The following CACNA2D3 variants were observed in gnomAD, a reference collection of about 807,000 sequenced individuals.
The protein encoded by CACNA2D3 is calcium voltage-gated channel auxiliary subunit alpha2delta 3.
In CACNA2D3, 60 loss-of-function variants were observed where a neutral mutation model predicts 160.6. The ratio of observed to expected loss-of-function variants is 0.37; its 90% CI spans 0.30 to 0.46. The LOEUF (loss-of-function observed/expected upper bound fraction) is 0.46, where lower values mean the gene tolerates loss of function less well. Ranked by LOEUF, CACNA2D3 falls within the 20% of genes least tolerant of loss-of-function variation. The probability of loss-of-function intolerance (pLI) is 1.00; values close to 1 mark genes in which losing one functional copy is unlikely to be tolerated. For synonymous variants in CACNA2D3, 558 were observed against 492.9 expected, an observed-to-expected ratio of 1.13 and a Z score of -1.75; for missense variants, 1,205 against 1,365.0, an observed-to-expected ratio of 0.88 and a Z score of 1.85.
intron 4 of CACNA2D3, among the ~76,000 whole-genome samples, chr3:54,493,017 G>T (rs1486696551): frequency 4.3e-5 from 6 of 139,354 alleles, no homozygotes; most frequent in Admixed American, 1.5e-4. Context: ...GTACATATGA[G>T]TTATAAATAA....
At chr3:54,190,726 A>G (rs1700963348) in intron 2 of CACNA2D3, among the ~76,000 whole-genome samples, 1 of 152,240 alleles carries the variant, frequency 6.6e-6, no homozygotes, top group African/African-American at 2.4e-5. Flanking sequence ...TTATAAGATT[A>G]TAAGTAAAAT....
intron 11 of CACNA2D3, among the ~76,000 whole-genome samples, chr3:54,707,737 A>G (rs1352937750): frequency 6.6e-6 from 1 of 152,102 alleles, no homozygotes; most frequent in Non-Finnish European, 1.5e-5. Context: ...CTCATCCAAG[A>G]ATTTCACTAT....
At chr3:54,660,794 A>G (rs982638445) in intron 11 of CACNA2D3, among the ~76,000 whole-genome samples, 9 of 152,096 alleles carry the variant, frequency 5.9e-5, no homozygotes, top group Non-Finnish European at 8.8e-5. Flanking sequence ...GCCTCCCACA[A>G]GAGCCTTTGT....
At chr3:55,067,890 T>C (rs1045011710) in intron 35 of CACNA2D3, among the ~76,000 whole-genome samples, 15 of 152,220 alleles carry the variant, frequency 9.9e-5, no homozygotes, top group African/African-American at 3.4e-4. Flanking sequence ...ATTAAGATGC[T>C]CAAATCACTT....
chr3:54,141,097 G>GCGCGCGCGCA (rs1559860132), intron 2 of CACNA2D3, among the ~76,000 whole-genome samples: 1 of 133,664 alleles, frequency 7.5e-6, no homozygotes, highest in African/African-American at 2.7e-5. Context: ...GCGCGCGCGC[G>GCGCGCGCGCA]CGTGTGTGCA....
intron 3 of CACNA2D3, among the ~76,000 whole-genome samples, chr3:54,334,243 C>T (rs773251599): frequency 2.0e-5 from 3 of 152,038 alleles, no homozygotes; most frequent in Non-Finnish European, 2.9e-5. Flanking sequence ...CTCGCCACGA[C>T]GCTCAGCTAA....
At chr3:54,234,248 A>T (rs1181614789) in intron 2 of CACNA2D3, among the ~76,000 whole-genome samples, 1 of 152,186 alleles carries the variant, frequency 6.6e-6, no homozygotes, top group Non-Finnish European at 1.5e-5. Context: ...AAAATAGCTC[A>T]GATCATTAGA....
At chr3:54,232,106 T>TTA (rs1047954179) in intron 2 of CACNA2D3, among the ~76,000 whole-genome samples, 22 of 152,186 alleles carry the variant, frequency 1.4e-4, no homozygotes, top group African/African-American at 4.1e-4. Context: ...TGCATATACT[T>TTA]TATATATATG....
intron 3 of CACNA2D3, among the ~76,000 whole-genome samples, chr3:54,380,314 C>G (rs1302621357): frequency 6.6e-6 from 1 of 152,218 alleles, no homozygotes; most frequent in East Asian, 1.9e-4. Flanking sequence ...GGACTTAGAT[C>G]TCCTCTGTCT....
chr3:54,571,062 T>A (rs1210907134), intron 8 of CACNA2D3, among the ~76,000 whole-genome samples: 2 of 151,986 alleles, frequency 1.3e-5, no homozygotes, highest in Non-Finnish European at 2.9e-5. Context: ...AAGAAATACA[T>A]TGGTTTGGTC....
intron 4 of CACNA2D3, among the ~76,000 whole-genome samples, chr3:54,423,741 C>T (rs996803609): frequency 4.6e-5 from 7 of 152,228 alleles, no homozygotes; most frequent in South Asian, 4.2e-4. Flanking sequence ...GGATTCCATC[C>T]TTTCCAGCTT....
At chr3:55,015,201 A>AT (rs1167955576) in intron 34 of CACNA2D3, among the ~76,000 whole-genome samples, 2 of 151,918 alleles carry the variant, frequency 1.3e-5, no homozygotes, top group South Asian at 2.1e-4. Context: ...GACCTTTCTT[A>AT]TTTTTTTTCA....
chr3:54,545,833 ATCT>A (rs1702054977), intron 5 of CACNA2D3, among the ~76,000 whole-genome samples: 1 of 152,116 alleles, frequency 6.6e-6, no homozygotes, highest in African/African-American at 2.4e-5. Context: ...TGGTGACCTT[ATCT>A]TCTTCTTCCC....
At chr3:54,338,773 C>G (rs1325597284) in intron 3 of CACNA2D3, among the ~76,000 whole-genome samples, 1 of 152,140 alleles carries the variant, frequency 6.6e-6, no homozygotes, top group Non-Finnish European at 1.5e-5. Context: ...TCCAGATCAT[C>G]TGCTGTAAGA....
chr3:54,369,941 C>T lies in CACNA2D3; in HGVS notation c.322-16774C>T, dbSNP rs143018199. Among the ~76,000 whole-genome samples, 1,002 of 152,196 alleles carry T rather than the reference C, an allele frequency of 6.6e-3. 11 individuals are homozygous for T. The highest frequency in any genetic ancestry group is 0.023 in the African/African-American group (955 of 41,506). ...TTTGTAGCTCCCTTCAGTGTGTGGC[C>T]GTGTTTCTTCCATATAGTAGATGCT... On this transcript the variant is annotated intron_variant, in intron 3 of 37. Coordinates refer to ENST00000474759, the MANE Select transcript of CACNA2D3 (RefSeq NM_018398.3).
chr3:54,192,850 C>T (rs1427257645), intron 2 of CACNA2D3, among the ~76,000 whole-genome samples: 1 of 152,188 alleles, frequency 6.6e-6, no homozygotes, highest in East Asian at 1.9e-4. Flanking sequence ...TATTATGGAG[C>T]TAGCAGAGCT....
chr3:54,751,726 C>T (rs1448147099), intron 11 of CACNA2D3, among the ~76,000 whole-genome samples: 1 of 152,188 alleles, frequency 6.6e-6, no homozygotes, highest in Non-Finnish European at 1.5e-5. Flanking sequence ...ATACCACCTG[C>T]TGAGTGTCAT....
At chr3:54,701,466 T>C (rs1700766551) in intron 11 of CACNA2D3, among the ~76,000 whole-genome samples, 1 of 152,120 alleles carries the variant, frequency 6.6e-6, no homozygotes, top group African/African-American at 2.4e-5. Flanking sequence ...GATGTAAATA[T>C]GTGTTATAAA....
intron 12 of CACNA2D3, among the ~76,000 whole-genome samples, chr3:54,760,568 C>G (rs1702064117): frequency 6.6e-6 from 1 of 152,076 alleles, no homozygotes; most frequent in Non-Finnish European, 1.5e-5. Context: ...TAGACAATCT[C>G]TGATGGCTGT....
Sources: gnomAD v4.1 joint callset for allele counts (sites outside exome capture counted in the v4.1 genomes callset) on GRCh38, gnomAD v4.1.1 for gene constraint, MANE v1.5 for transcripts, NCBI Gene and HGNC (gene_info 2026-07-23, HGNC 2026-07-21) for gene names.